The following BPGM variants were observed in gnomAD, a reference collection of about 807,000 sequenced individuals.
BPGM encodes bisphosphoglycerate mutase, also known as 2,3-bisphosphoglycerate mutase, erythrocyte.
A neutral mutation model predicts 21.6 loss-of-function variants in BPGM; 15 were observed. That is an observed-to-expected ratio of 0.70 (90% CI 0.47 to 1.07). The LOEUF (loss-of-function observed/expected upper bound fraction) is 1.07, where lower values mean the gene tolerates loss of function less well. Ranked by LOEUF, BPGM falls within the 50% of genes least tolerant of loss-of-function variation. The probability of loss-of-function intolerance (pLI) is 0.00; values close to 1 mark genes in which losing one functional copy is unlikely to be tolerated. For synonymous variants in BPGM, 113 were observed against 116.2 expected (o/e 0.97, Z 0.18); for missense variants, 273 against 319.0 (o/e 0.86, Z 1.10).
intron 2 of BPGM, among the ~76,000 whole-genome samples, chr7:134,671,646 G>A (rs1210771291): frequency 1.3e-5 from 2 of 152,180 alleles, no homozygotes; most frequent in Non-Finnish European, 2.9e-5. Flanking sequence ...TTATGGGCAT[G>A]AGCCACCACA....
At chr7:134,668,646 C>G (rs926413939) in intron 2 of BPGM, among the ~76,000 whole-genome samples, 2 of 152,120 alleles carry the variant, frequency 1.3e-5, no homozygotes, top group South Asian at 4.1e-4. Flanking sequence ...TTCAATACTG[C>G]GTTTTACTTT....
At chr7:134,669,177 G>T (rs1332074427) in intron 2 of BPGM, among the ~76,000 whole-genome samples, 1 of 152,162 alleles carries the variant, frequency 6.6e-6, no homozygotes, top group African/African-American at 2.4e-5. Context: ...AGGGTTGAAG[G>T]TTTGCTATAT....
chr7:134,674,048 G>A (rs1308366314), intron 2 of BPGM, among the ~76,000 whole-genome samples: 1 of 151,768 alleles, frequency 6.6e-6, no homozygotes, highest in East Asian at 1.9e-4. Flanking sequence ...AAGTAGCTGG[G>A]ATTACAGGCG....
intron 1 of BPGM, among the ~76,000 whole-genome samples, chr7:134,660,057 A>G (rs1026120330): frequency 6.6e-6 from 1 of 152,218 alleles, no homozygotes; most frequent in Non-Finnish European, 1.5e-5. Context: ...TAAGCAACAC[A>G]TGACGATACT....
intron 1 of BPGM, among the ~76,000 whole-genome samples, chr7:134,657,278 G>C (rs1795653741): frequency 6.6e-6 from 1 of 152,190 alleles, no homozygotes; most frequent in Non-Finnish European, 1.5e-5. Context: ...AAGAGATGAA[G>C]GGTGAGTGTT....
rs757841771 is a variant in BPGM, at chr7:134,678,896, A to G, written c.645A>G (p.Gly215=). The G allele has an allele frequency of 1.2e-6, 2 of 1,614,072 alleles. No homozygotes were observed. The highest frequency in any genetic ancestry group is 1.7e-6 in the Non-Finnish European group (2 of 1,179,946). ...EDIINITLPT[G]VPILLELDEN... The stretch of plus-strand genomic sequence containing the variant: ...TCATCAACATTACTCTTCCTACTGG[A>G]GTCCCCATTCTTCTGGAATTGGATG... Residue 215 remains glycine, a synonymous_variant, in exon 3 of 3, where the codon GGA becomes GGG. Transcript: ENST00000344924.
intron 2 of BPGM, among the ~76,000 whole-genome samples, chr7:134,677,139 A>G (rs1198217259): frequency 6.6e-6 from 1 of 152,182 alleles, no homozygotes; most frequent in African/African-American, 2.4e-5. Flanking sequence ...TTCCTAATAG[A>G]GAAAGAAGAG....
Position 134,665,358 on chromosome 7 carries a change from G to A in BPGM, c.601+3250G>A, listed in dbSNP as rs563066203. Among the ~76,000 whole-genome samples, 13 of 34,888 alleles carry A rather than the reference G, an allele frequency of 3.7e-4. 3 individuals carry two copies. Among genetic ancestry groups the A allele is most frequent in the African/African-American group, 4.2e-4 (2 of 4,734 alleles). The allele number at this position is 34,888 out of a possible 152,430, so 22.9% of individuals were successfully genotyped here. On this transcript the variant is annotated intron_variant, in intron 2 of 2. Transcript: ENST00000344924. Reference sequence around the variant, plus strand: ...AAACCATCATTCTCAGTAAACTATCGCAAGAACAAAAAAACAAACACCGCA... The same window carrying A: ...AAACCATCATTCTCAGTAAACTATCACAAGAACAAAAAAACAAACACCGCA...
At chr7:134,668,034 C>T (rs922153176) in intron 2 of BPGM, among the ~76,000 whole-genome samples, 5 of 150,502 alleles carry the variant, frequency 3.3e-5, no homozygotes, top group African/African-American at 1.2e-4. Context: ...TTACTCATCT[C>T]CTCTTAGGTC....
intron 1 of BPGM, among the ~76,000 whole-genome samples, chr7:134,659,613 T>C (rs890058866): frequency 1.3e-5 from 2 of 152,170 alleles, no homozygotes; most frequent in Non-Finnish European, 2.9e-5. Context: ...AATTCTCAGC[T>C]CTGTGGGATG....
chr7:134,661,906 C>T lies in BPGM; in HGVS notation c.399C>T (p.Tyr133=). 6.2e-7 allele frequency: 1 copy of T among 1,612,064 alleles called. No individual in the cohort carries two copies. The change falls in exon 2 of 3, where the codon TAC becomes TAT. Residue 133 remains tyrosine (Y), a synonymous_variant. Coordinates refer to ENST00000344924, the MANE Select transcript of BPGM (RefSeq NM_001724.5). This position sits in a 1 kb window ranked among gnomAD's most constrained non-coding sequence, Gnocchi z 4.6. ...PPPIEESHPY[Y]QEIYNDRRYK... ...CCATTGAGGAGTCTCATCCTTACTA[C>T]CAAGAAATCTACAACGACCGGAGGT...
At position 134,678,962 on chromosome 7, in the gene BPGM, C is replaced by A. The variant is rs1312787662; in HGVS notation, c.711C>A (p.Asp237Glu). The A allele has an allele frequency of 7.4e-6, 12 of 1,613,874 alleles. No homozygotes were observed. The highest frequency in any genetic ancestry group is 1.0e-5 in the Non-Finnish European group (12 of 1,179,974). ...RAVGPHQFLGDQEAIQAAIKK... is the reference protein window; with the variant it reads ...RAVGPHQFLGEQEAIQAAIKK... ...TTGGGCCTCATCAGTTCCTGGGTGA[C>A]CAAGAGGCGATCCAAGCAGCCATTA... The change falls in exon 3 of 3, where the codon GAC becomes GAA. Residue 237 changes from aspartate (D) to glutamate (E), a missense_variant. Coordinates refer to ENST00000344924, the MANE Select transcript of BPGM (RefSeq NM_001724.5).
At chr7:134,675,388 G>C (rs760990862) in intron 2 of BPGM, among the ~76,000 whole-genome samples, 12 of 151,880 alleles carry the variant, frequency 7.9e-5, no homozygotes, top group Non-Finnish European at 1.6e-4. Context: ...TTTAGCTCTT[G>C]ACTCTAAGTC....
chr7:134,667,225 A>C (rs1020126557), intron 2 of BPGM, among the ~76,000 whole-genome samples: 8 of 152,214 alleles, frequency 5.3e-5, no homozygotes, highest in African/African-American at 1.9e-4. Context: ...GTTCATGTGT[A>C]TGTGTTTATG....
At chr7:134,654,335 G>C (rs1239822582) in intron 1 of BPGM, among the ~76,000 whole-genome samples, 1 of 152,156 alleles carries the variant, frequency 6.6e-6, no homozygotes, top group Non-Finnish European at 1.5e-5. Flanking sequence ...GTGAGAAAAG[G>C]GTTTCCAAGA....
intron 2 of BPGM, among the ~76,000 whole-genome samples, chr7:134,663,390 G>T (rs1042102290): frequency 5.3e-5 from 8 of 151,346 alleles, no homozygotes; most frequent in Admixed American, 2.0e-4. Context: ...GTGTGTTTGT[G>T]TGTGTGCACG....
intron 2 of BPGM, among the ~76,000 whole-genome samples, chr7:134,668,068 T>TA (rs3839673): frequency 0.56 from 84,595 of 151,936 alleles, 24,485 homozygotes; most frequent in East Asian, 0.77. Context: ...GTCATCCATA[T>TA]ACCTCAACAG....
chr7:134,659,505 G>A (rs187900351), intron 1 of BPGM, among the ~76,000 whole-genome samples: 195 of 151,958 alleles, frequency 1.3e-3, no homozygotes, highest in Non-Finnish European at 2.1e-3. Context: ...CAGTCATCTG[G>A]CAAAACACTG....
At chr7:134,671,297 C>T (rs1298476168) in intron 2 of BPGM, among the ~76,000 whole-genome samples, 1 of 151,760 alleles carries the variant, frequency 6.6e-6, no homozygotes, top group African/African-American at 2.4e-5. Context: ...GTACCTCTGA[C>T]AAAGTCCTTA....
Sources: allele counts gnomAD v4.1 joint callset (sites outside exome capture counted in the v4.1 genomes callset), GRCh38; gene constraint gnomAD v4.1.1; non-coding constraint Gnocchi (gnomAD v3.1); transcripts MANE v1.5; gene names NCBI Gene and HGNC (gene_info 2026-07-23, HGNC 2026-07-21).